The following APBB2 variants were observed in gnomAD, a reference collection of about 807,000 sequenced individuals.
The protein encoded by APBB2 is Fe65-like 1.
In APBB2, 38 loss-of-function variants were observed where a neutral mutation model predicts 82.5. The observed-to-expected ratio is 0.46, with a 90% CI of 0.36 to 0.60. APBB2 has a LOEUF of 0.60. Ranked by LOEUF, APBB2 falls within the 20% of genes least tolerant of loss-of-function variation. The pLI is 0.00. For missense variants in APBB2, 772 were observed against 972.3 expected (o/e 0.79, Z 2.74); for synonymous variants, 341 against 368.2 (o/e 0.93, Z 0.85).
chr4:40,923,165 C>T (rs955293223), intron 10 of APBB2, among the ~76,000 whole-genome samples: 4 of 150,636 alleles, frequency 2.7e-5, no homozygotes, highest in South Asian at 2.1e-4. Flanking sequence ...TTAGTAGAGA[C>T]GGGGTTTCAC....
At chr4:41,140,324 T>C (rs1360117869) in intron 2 of APBB2, among the ~76,000 whole-genome samples, 2 of 152,250 alleles carry the variant, frequency 1.3e-5, no homozygotes, top group African/African-American at 4.8e-5. Context: ...TTTAACTATA[T>C]GCTCTGGAAA....
intron 6 of APBB2, among the ~76,000 whole-genome samples, chr4:40,958,314 G>A (rs28404377): frequency 0.2 from 30,509 of 152,070 alleles, 3,867 homozygotes; most frequent in East Asian, 0.49. Flanking sequence ...CTTTTAGAGT[G>A]TGCACATAGT....
chr4:41,150,953 G>A (rs1234319200), intron 1 of APBB2, among the ~76,000 whole-genome samples: 1 of 152,088 alleles, frequency 6.6e-6, no homozygotes, highest in East Asian at 1.9e-4. Context: ...GGCCAGGTTG[G>A]TCTTGAACTC....
At chr4:41,054,358 A>G (rs1727099729) in intron 4 of APBB2, among the ~76,000 whole-genome samples, 1 of 152,186 alleles carries the variant, frequency 6.6e-6, no homozygotes, top group Non-Finnish European at 1.5e-5. Context: ...TGCTACAAGG[A>G]ATGCTGGAAA....
rs1717684312 is a variant in APBB2 at position 41,033,103 on chromosome 4, A to G, written c.19+133T>C. The stretch of plus-strand genomic sequence containing the variant: ...CGGCCAAGATTCATTTTTCTATTAC[A>G]TTAGTGAAGAACAATGAAATTAAAA... On this transcript the variant is annotated intron_variant, in intron 5 of 17. Coordinates refer to ENST00000508593, the MANE Select transcript of APBB2 (RefSeq NM_004307.2). 1.1e-5 allele frequency: 8 copies of G among 728,578 alleles called. No homozygotes were observed. The South Asian group carries it at 1.3e-4, about 12-fold the overall frequency. The allele number at this position is 728,578 out of a possible 1,614,324, so 45.1% of individuals were successfully genotyped here.
intron 2 of APBB2, among the ~76,000 whole-genome samples, chr4:41,113,478 T>G (rs1482470700): frequency 1.3e-5 from 2 of 152,124 alleles, no homozygotes; most frequent in African/African-American, 4.8e-5. Context: ...TATTGAAAGT[T>G]CTGGCCAGGG....
chr4:40,836,334 G>T (rs186774037), intron 12 of APBB2, among the ~76,000 whole-genome samples: 1 of 152,096 alleles, frequency 6.6e-6, no homozygotes, highest in Non-Finnish European at 1.5e-5. Context: ...AAAATTAGGC[G>T]GGTGCGGTAG....
At chr4:41,014,528 AC>A in intron 5 of APBB2, 130 bp from the exon 6 acceptor site, 1 of 886,794 alleles carries the variant, frequency 1.1e-6, no homozygotes, top group Non-Finnish European at 1.8e-6. Context: ...CATAGAATGG[AC>A]CCATTTTCCT....
chr4:41,115,425 G>T (rs1182420519), intron 2 of APBB2, among the ~76,000 whole-genome samples: 1 of 152,180 alleles, frequency 6.6e-6, no homozygotes, highest in Non-Finnish European at 1.5e-5. Flanking sequence ...AAGACTTCAT[G>T]ACTAAAACAC....
At chr4:40,860,847 T>A (rs1541977) in intron 12 of APBB2, among the ~76,000 whole-genome samples, 56,206 of 152,090 alleles carry the variant, frequency 0.37, 11,443 homozygotes, top group Non-Finnish European at 0.47. Flanking sequence ...AAATAACAAA[T>A]TTCCATTTTG....
intron 6 of APBB2, among the ~76,000 whole-genome samples, chr4:41,012,945 T>C (rs1053267971): frequency 1.3e-5 from 2 of 152,214 alleles, no homozygotes; most frequent in Non-Finnish European, 2.9e-5. Context: ...ATTACAAATA[T>C]AGACAAAAGT....
intron 1 of APBB2, among the ~76,000 whole-genome samples, chr4:41,152,736 G>A (rs2154028750): frequency 1.3e-5 from 2 of 152,272 alleles, no homozygotes; most frequent in Middle Eastern, 6.8e-3. Context: ...AAAATCCTAA[G>A]GTCTAAAGTG....
chr4:41,211,442 T>A (rs537348775), intron 1 of APBB2, among the ~76,000 whole-genome samples: 34 of 148,828 alleles, frequency 2.3e-4, no homozygotes, highest in African/African-American at 8.4e-4. Flanking sequence ...AAGGGTATTG[T>A]CCAGTTTTGT....
chr4:41,078,008 A>T (rs1362065186), intron 3 of APBB2, among the ~76,000 whole-genome samples: 1 of 152,212 alleles, frequency 6.6e-6, no homozygotes, highest in Non-Finnish European at 1.5e-5. Context: ...CAAGCAACAA[A>T]ATTTTAATGT....
intron 2 of APBB2, among the ~76,000 whole-genome samples, chr4:41,138,821 T>A (rs955187005): frequency 6.6e-6 from 1 of 152,146 alleles, no homozygotes; most frequent in African/African-American, 2.4e-5. Flanking sequence ...TAATCTGGTA[T>A]ATAGAAAATA....
chr4:40,965,257 A>G (rs986804269), intron 6 of APBB2, among the ~76,000 whole-genome samples: 8 of 152,384 alleles, frequency 5.2e-5, no homozygotes, highest in South Asian at 2.1e-4. Context: ...GGATGAAAAT[A>G]TATCACGAAT....
intron 4 of APBB2, among the ~76,000 whole-genome samples, chr4:41,062,421 C>T (rs11932202): frequency 2.0e-5 from 3 of 151,846 alleles, no homozygotes; most frequent in South Asian, 2.1e-4. Flanking sequence ...TCCGGTGATC[C>T]GCCCACCTTG....
At chr4:41,126,934 G>A (rs1193914026) in intron 2 of APBB2, among the ~76,000 whole-genome samples, 1 of 151,906 alleles carries the variant, frequency 6.6e-6, no homozygotes, top group African/African-American at 2.4e-5. Context: ...TAAAGACTTT[G>A]TCTCCAAATA....
chr4:40,982,583 C>G (rs1046666696), intron 6 of APBB2, among the ~76,000 whole-genome samples: 1 of 151,466 alleles, frequency 6.6e-6, no homozygotes, highest in Non-Finnish European at 1.5e-5. Flanking sequence ...AGCCTGGGGA[C>G]CACAGTGAAA....
Sources: allele counts gnomAD v4.1 joint callset (sites outside exome capture counted in the v4.1 genomes callset), GRCh38; gene constraint gnomAD v4.1.1; transcripts MANE v1.5; gene names NCBI Gene and HGNC (gene_info 2026-07-23, HGNC 2026-07-21).